Variants in ACO2 observed in about 807,000 individuals in gnomAD.
ACO2 encodes the protein aconitate hydratase, mitochondrial.
Under a neutral mutation model 84.5 loss-of-function variants are expected in ACO2, and 31 were observed. That is an observed-to-expected ratio of 0.37 (90% CI 0.28 to 0.50). The LOEUF (loss-of-function observed/expected upper bound fraction) is 0.50. Ranked by LOEUF, ACO2 falls within the 20% of genes least tolerant of loss-of-function variation. ACO2 has a pLI of 0.97. For missense variants in ACO2, 685 were observed against 1,029.3 expected (o/e 0.67, Z 4.58); for synonymous variants, 414 against 412.7 (o/e 1.00, Z -0.04).
chr22:41,476,742 A>G (rs1039998417), intron 1 of ACO2, among the ~76,000 whole-genome samples: 2 of 152,028 alleles, frequency 1.3e-5, no homozygotes, highest in African/African-American at 4.8e-5. Context: ...ACAAAAAAAC[A>G]CACACACTGC....
intron 6 of ACO2, 27 bp from the exon 7 acceptor site, chr22:41,517,500 A>G (rs762864872): frequency 8.1e-6 from 13 of 1,602,528 alleles, no homozygotes; most frequent in African/African-American, 2.7e-5. Context: ...GCCACCAGCC[A>G]ATGCCCGGGG....
At chr22:41,473,107 TAA>T (rs1491177672) in intron 1 of ACO2, among the ~76,000 whole-genome samples, 4 of 152,192 alleles carry the variant, frequency 2.6e-5, no homozygotes, top group Admixed American at 6.5e-5. Flanking sequence ...AATGAATTGG[TAA>T]ATAAGCTTCC....
intron 3 of ACO2, 98 bp downstream of exon 3, chr22:41,508,147 C>G: frequency 7.0e-7 from 1 of 1,429,108 alleles, no homozygotes; most frequent in Non-Finnish European, 9.5e-7. Flanking sequence ...CCTCCAAATT[C>G]TCACACCTCT....
chr22:41,484,955 A>C (rs1601885762), intron 1 of ACO2, among the ~76,000 whole-genome samples: 1 of 141,898 alleles, frequency 7.0e-6, no homozygotes, highest in South Asian at 2.3e-4. Flanking sequence ...GCTCACTGCA[A>C]CCTCCACTTC....
chr22:41,498,598 G>A (rs991883673), intron 1 of ACO2, among the ~76,000 whole-genome samples: 1 of 152,120 alleles, frequency 6.6e-6, no homozygotes, highest in South Asian at 2.1e-4. Context: ...GGTGGTGCTG[G>A]TTATTGGCAA....
Position 41,469,152 on chromosome 22 carries a change from G to C in ACO2, c.6G>C (p.Ala2=). 6.2e-7 allele frequency: 1 copy of C among 1,609,038 alleles called. No individual in the cohort carries two copies. Among genetic ancestry groups the C allele is most frequent in the Non-Finnish European group, 8.5e-7 (1 of 1,177,596 alleles). Residue 2 remains alanine, a synonymous_variant, in exon 1 of 18, where the codon GCG becomes GCC. Transcript: ENST00000216254. M[A]PYSLLVTRLQ... Reference sequence around the variant, plus strand: ...CATCTTTGTCAGTGCACAAAATGGCGCCCTACAGCCTACTGGTGACTCGGC... The same window carrying C: ...CATCTTTGTCAGTGCACAAAATGGCCCCCTACAGCCTACTGGTGACTCGGC...
In ACO2 at chr22:41,508,814, T is replaced by C. The variant is rs189054605; in HGVS notation, c.432+765T>C. On this transcript the variant is annotated intron_variant, in intron 3 of 17. Transcript: ENST00000216254. ...CCTCCCCACTCTCCAGCCCCTGCAGTGGGAGTGGGTCCCCCTCACGGGGAG... is the reference window on the plus strand; with the variant it reads ...CCTCCCCACTCTCCAGCCCCTGCAGCGGGAGTGGGTCCCCCTCACGGGGAG... Among the ~76,000 whole-genome samples, 340 of 152,262 alleles carry C rather than the reference T, an allele frequency of 2.2e-3. 1 individual carries two copies. The highest frequency in any genetic ancestry group is 6.8e-3 in the Middle Eastern group (2 of 294).
chr22:41,507,345 G>A (rs983618808), intron 2 of ACO2, among the ~76,000 whole-genome samples: 55 of 152,134 alleles, frequency 3.6e-4, no homozygotes, highest in Admixed American at 2.7e-3. Flanking sequence ...GGGCACAGAG[G>A]GAAGTAGCGA....
In ACO2 at chr22:41,511,984, G is replaced by T; in HGVS notation, c.525+16G>T. ...CATTCACCAGGTAAAGCTGGGCTCA[G>T]TCTGCCGTCCCAAGGGCCCAAGCCA... On this transcript the variant is annotated intron_variant, in intron 4 of 17. Coordinates refer to ENST00000216254, the MANE Select transcript of ACO2 (RefSeq NM_001098.3). 4 of 1,598,732 alleles carry T rather than the reference G, an allele frequency of 2.5e-6. No homozygotes were observed. Among genetic ancestry groups the T allele is most frequent in the Non-Finnish European group, 3.4e-6 (4 of 1,171,936 alleles).
intron 1 of ACO2, among the ~76,000 whole-genome samples, chr22:41,491,300 G>T (rs1157863416): frequency 6.6e-6 from 1 of 152,148 alleles, no homozygotes; most frequent in South Asian, 2.1e-4. Flanking sequence ...AGATCCCACT[G>T]CCAGGGGCCC....
intron 16 of ACO2, 170 bp downstream of exon 16, chr22:41,527,590 A>AGCTTCCCG (rs1343268964): frequency 3.1e-5 from 31 of 993,108 alleles, no homozygotes; most frequent in Non-Finnish European, 4.2e-5. Context: ...TCCGACGCTC[A>AGCTTCCCG]GCTTCCCGGC....
intron 9 of ACO2, chr22:41,521,498 G>A (rs908955296): frequency 1.3e-5 from 2 of 152,212 alleles, no homozygotes; most frequent in Admixed American, 6.5e-5. Context: ...AGTCATGATC[G>A]TACTGACACC....
At chr22:41,497,369 T>C (rs1347771130) in intron 1 of ACO2, among the ~76,000 whole-genome samples, 1 of 152,000 alleles carries the variant, frequency 6.6e-6, no homozygotes, top group Non-Finnish European at 1.5e-5. Context: ...GCACCCGGCC[T>C]CTTGCTGTCA....
chr22:41,482,285 G>A (rs1451219983), intron 1 of ACO2, among the ~76,000 whole-genome samples: 4 of 152,224 alleles, frequency 2.6e-5, no homozygotes, highest in African/African-American at 4.8e-5. Flanking sequence ...CCACCTGGCC[G>A]CTGGGCCTGA....
chr22:41,508,768 C>T (rs1418674192), intron 3 of ACO2, among the ~76,000 whole-genome samples: 2 of 152,206 alleles, frequency 1.3e-5, no homozygotes, highest in Non-Finnish European at 2.9e-5. Context: ...CAACAGCGGG[C>T]CTCTCTCTCC....
At chr22:41,528,245 AGGACCTGGCACTC>A (rs1454163027) in intron 17 of ACO2, 3 of 832,698 alleles carry the variant, frequency 3.6e-6, no homozygotes, top group African/African-American at 1.7e-5. Context: ...TTTACTCACC[AGGACCTGGCACTC>A]AGGGGACAGC....
Position 41,469,153 on chromosome 22 carries a change from C to G in ACO2, c.7C>G (p.Pro3Ala), listed in dbSNP as rs758749269. The change falls in exon 1 of 18, where the codon CCC becomes GCC. Residue 3 changes from proline (P) to alanine (A), a missense_variant. This residue lies in a region of ACO2 where 98 missense variants were observed against 107.6 expected (regional missense o/e 0.91). Coordinates refer to ENST00000216254, the MANE Select transcript of ACO2 (RefSeq NM_001098.3). MA[P>A]YSLLVTRLQK... ...ATCTTTGTCAGTGCACAAAATGGCGCCCTACAGCCTACTGGTGACTCGGCT... is the reference window on the plus strand; with the variant it reads ...ATCTTTGTCAGTGCACAAAATGGCGGCCTACAGCCTACTGGTGACTCGGCT... 1 of 1,609,914 alleles carries G rather than the reference C, an allele frequency of 6.2e-7. No individual in the cohort carries two copies. The highest frequency in any genetic ancestry group is 8.5e-7 in the Non-Finnish European group (1 of 1,177,990).
At chr22:41,518,932 C>G (rs371309611) in intron 8 of ACO2, among the ~76,000 whole-genome samples, 1 of 152,124 alleles carries the variant, frequency 6.6e-6, no homozygotes, top group Admixed American at 6.5e-5. Context: ...GGCGACAGAG[C>G]GACACTGTCT....
intron 2 of ACO2, among the ~76,000 whole-genome samples, chr22:41,502,156 C>T (rs182460038): frequency 6.6e-6 from 1 of 152,254 alleles, no homozygotes; most frequent in Admixed American, 6.5e-5. Flanking sequence ...CTTCTGGGCT[C>T]CATGTTAGAA....
Sources: gnomAD v4.1 joint callset for allele counts (sites outside exome capture counted in the v4.1 genomes callset) on GRCh38, gnomAD v4.1.1 for gene constraint, gnomAD v4.1.1 regional missense constraint, MANE v1.5 for transcripts, NCBI Gene and HGNC (gene_info 2026-07-23, HGNC 2026-07-21) for gene names.